Variants in GRIA4 observed in about 807,000 individuals in gnomAD.
The protein encoded by GRIA4 is glutamate receptor 4.
GRIA4 carries 34 observed loss-of-function variants against 104.0 expected under a neutral mutation model. The ratio of observed to expected loss-of-function variants is 0.33; its 90% CI spans 0.25 to 0.44. GRIA4 has a LOEUF of 0.44. GRIA4 is among the 20% of genes least tolerant of loss of function. The probability of loss-of-function intolerance (pLI) is 1.00; values close to 1 mark genes in which losing one functional copy is unlikely to be tolerated. For synonymous variants in GRIA4, 386 were observed against 381.9 expected (o/e 1.01, Z -0.13); for missense variants, 750 against 1,096.5 (o/e 0.68, Z 4.46).
intron 4 of GRIA4, among the ~76,000 whole-genome samples, chr11:105,787,722 C>T (rs1942035844): frequency 6.6e-6 from 1 of 151,686 alleles, no homozygotes; most frequent in Non-Finnish European, 1.5e-5. Flanking sequence ...TTCTTTACTT[C>T]GAGTTCAGAA....
chr11:105,864,402 T>C (rs1357411457), intron 5 of GRIA4, among the ~76,000 whole-genome samples: 1 of 152,164 alleles, frequency 6.6e-6, no homozygotes, highest in African/African-American at 2.4e-5. Context: ...TAAATTAAGA[T>C]AGCAAAAGAA....
At chr11:105,773,485 A>T (rs768513757) in intron 4 of GRIA4, among the ~76,000 whole-genome samples, 11 of 152,174 alleles carry the variant, frequency 7.2e-5, no homozygotes, top group Non-Finnish European at 1.3e-4. Context: ...TATAATTAAA[A>T]ATTATAGAGT....
chr11:105,791,200 C>T (rs904422669), intron 4 of GRIA4, among the ~76,000 whole-genome samples: 10 of 152,064 alleles, frequency 6.6e-5, no homozygotes, highest in African/African-American at 2.4e-4. Context: ...CCAACAGCAA[C>T]AACGAAAAGT....
intron 10 of GRIA4, among the ~76,000 whole-genome samples, chr11:105,917,815 G>GTTGTGTGTGT (rs1555047934): frequency 7.0e-6 from 1 of 142,690 alleles, no homozygotes; most frequent in Non-Finnish European, 1.5e-5. Context: ...TTGGTTTAAG[G>GTTGTGTGTGT]GTGTGTGTGT....
chr11:105,825,255 A>G (rs576711608), intron 4 of GRIA4, among the ~76,000 whole-genome samples: 69 of 152,148 alleles, frequency 4.5e-4, no homozygotes, highest in African/African-American at 1.6e-3. Context: ...TTGATTTTGC[A>G]TGACTGGCAC....
intron 12 of GRIA4, among the ~76,000 whole-genome samples, chr11:105,926,230 A>G (rs1218663601): frequency 6.6e-6 from 1 of 152,000 alleles, no homozygotes; most frequent in Non-Finnish European, 1.5e-5. Context: ...AAAACAAGTT[A>G]TTTCCTTTAG....
At chr11:105,820,851 T>C (rs1168874737) in intron 4 of GRIA4, among the ~76,000 whole-genome samples, 1 of 152,294 alleles carries the variant, frequency 6.6e-6, no homozygotes, top group East Asian at 1.9e-4. Context: ...ATCTGAAATG[T>C]AGCTTTTCCT....
At chr11:105,811,541 C>T (rs1392029068) in intron 4 of GRIA4, among the ~76,000 whole-genome samples, 2 of 151,766 alleles carry the variant, frequency 1.3e-5, no homozygotes, top group South Asian at 2.1e-4. Context: ...TGCTCATCCA[C>T]GAATAAGAAA....
intron 4 of GRIA4, among the ~76,000 whole-genome samples, chr11:105,789,863 A>T (rs912888548): frequency 1.6e-4 from 25 of 152,278 alleles, no homozygotes; most frequent in African/African-American, 5.5e-4. Flanking sequence ...AGCACCAAAA[A>T]AATTGCTAAG....
intron 2 of GRIA4, among the ~76,000 whole-genome samples, chr11:105,612,011 G>C (rs1265963453): frequency 6.6e-6 from 1 of 152,118 alleles, no homozygotes; most frequent in Non-Finnish European, 1.5e-5. Flanking sequence ...TCAGGGGGAG[G>C]GCAAGGGAGA....
intron 4 of GRIA4, among the ~76,000 whole-genome samples, chr11:105,840,704 T>A (rs1944361105): frequency 6.6e-6 from 1 of 152,184 alleles, no homozygotes; most frequent in Middle Eastern, 3.2e-3. Flanking sequence ...CCTCTTTAAC[T>A]TTTATTAAAC....
intron 3 of GRIA4, chr11:105,707,213 T>C (rs71486027): frequency 0.011 from 1,751 of 154,318 alleles, 13 homozygotes; most frequent in Non-Finnish European, 0.019. Context: ...GTTAAATATA[T>C]GAAAGAGGCT....
chr11:105,844,140 C>T (rs758514579), intron 4 of GRIA4, among the ~76,000 whole-genome samples: 9 of 152,156 alleles, frequency 5.9e-5, no homozygotes, highest in Non-Finnish European at 1.2e-4. Flanking sequence ...ATTGTACAGT[C>T]ACCCTACTTA....
At chr11:105,860,440 C>G (rs1014979218) in intron 4 of GRIA4, among the ~76,000 whole-genome samples, 11 of 152,144 alleles carry the variant, frequency 7.2e-5, no homozygotes, top group African/African-American at 2.4e-4. Flanking sequence ...CAGCTCTCTA[C>G]CCAATTCCAG....
At chr11:105,919,654 A>G (rs1239227103) in intron 11 of GRIA4, among the ~76,000 whole-genome samples, 2 of 152,170 alleles carry the variant, frequency 1.3e-5, no homozygotes, top group Non-Finnish European at 2.9e-5. Flanking sequence ...AGCAATATCA[A>G]GATCAATGTC....
chr11:105,706,383 G>A (rs1013907616), intron 3 of GRIA4: 1 of 152,878 alleles, frequency 6.5e-6, no homozygotes, highest in Non-Finnish European at 1.5e-5. Context: ...TTATGCCAAT[G>A]ATATAAAATT....
At chr11:105,612,555 T>G in intron 3 of GRIA4, 121 bp downstream of exon 3, 1 of 728,092 alleles carries the variant, frequency 1.4e-6, no homozygotes, top group African/African-American at 1.8e-5. Context: ...GTTGCCTGGT[T>G]TCAGGACAAA....
intron 3 of GRIA4, among the ~76,000 whole-genome samples, chr11:105,647,388 T>G (rs1420836243): frequency 2.6e-5 from 4 of 152,152 alleles, no homozygotes; most frequent in Non-Finnish European, 4.4e-5. Flanking sequence ...GTGTGATGAT[T>G]CCTCAAAGAT....
At chr11:105,766,001 A>G (rs1390732237) in intron 4 of GRIA4, among the ~76,000 whole-genome samples, 1 of 152,150 alleles carries the variant, frequency 6.6e-6, no homozygotes, top group African/African-American at 2.4e-5. Context: ...AAGCAACTCA[A>G]TAAATATATG....
Sources: gnomAD v4.1 joint callset for allele counts (sites outside exome capture counted in the v4.1 genomes callset) on GRCh38, gnomAD v4.1.1 for gene constraint, MANE v1.5 for transcripts, NCBI Gene and HGNC (gene_info 2026-07-23, HGNC 2026-07-21) for gene names.